The following CATSPERT variants were observed in gnomAD, a reference collection of about 807,000 sequenced individuals.
The protein encoded by CATSPERT is catsper channel auxiliary subunit tau.
chr2:201,500,949 A>T, the CATSPERT span, among the ~76,000 whole-genome samples: 1 of 152,210 alleles, frequency 6.6e-6, no homozygotes, highest in Non-Finnish European at 1.5e-5. Context: ...TAAACAAAAA[A>T]TTCTTTAAAA....
the CATSPERT span, among the ~76,000 whole-genome samples, chr2:201,516,598 T>C: frequency 1.3e-5 from 2 of 152,302 alleles, no homozygotes; most frequent in Non-Finnish European, 2.9e-5. Flanking sequence ...AACCAGACCA[T>C]ATCATGTGGT....
chr2:201,589,087 T>A, the CATSPERT span, among the ~76,000 whole-genome samples: 7 of 152,072 alleles, frequency 4.6e-5, no homozygotes, highest in Non-Finnish European at 8.8e-5. Flanking sequence ...TACAAACCAC[T>A]GCTCAAAGAA....
the CATSPERT span, chr2:201,565,857 T>C: frequency 1.3e-6 from 2 of 1,589,536 alleles, no homozygotes; most frequent in South Asian, 2.3e-5. Flanking sequence ...CTACTGTCTG[T>C]GGTGTAATAA....
the CATSPERT span, chr2:201,557,759 A>T: frequency 6.6e-6 from 1 of 152,254 alleles, no homozygotes; most frequent in Non-Finnish European, 1.5e-5. Flanking sequence ...ACACAAAATG[A>T]CATCAAAAAG....
the CATSPERT span, chr2:201,581,999 A>G: frequency 7.0e-7 from 1 of 1,430,426 alleles, no homozygotes; most frequent in Admixed American, 2.6e-5. Context: ...GGCAGATAAT[A>G]AACAAAAAAA....
At chr2:201,546,005 T>G in the CATSPERT span, among the ~76,000 whole-genome samples, 5 of 152,154 alleles carry the variant, frequency 3.3e-5, no homozygotes, top group South Asian at 2.1e-4. Context: ...TTATGGCCTA[T>G]GACTTAAAAG....
At chr2:201,601,933 A>G in the CATSPERT span, 3 of 1,347,004 alleles carry the variant, frequency 2.2e-6, no homozygotes, top group Non-Finnish European at 3.1e-6. Flanking sequence ...TAATTGAACA[A>G]TAATACATTA....
the CATSPERT span, among the ~76,000 whole-genome samples, chr2:201,529,782 T>C: frequency 1.3e-5 from 2 of 151,962 alleles, no homozygotes; most frequent in Non-Finnish European, 2.9e-5. Flanking sequence ...AAAGCTTCTG[T>C]ACAGAAAAGG....
chr2:201,585,460 C>G, the CATSPERT span, among the ~76,000 whole-genome samples: 1 of 149,798 alleles, frequency 6.7e-6, no homozygotes, highest in African/African-American at 2.4e-5. Flanking sequence ...CCAACTAACT[C>G]TCATAGGAAA....
At chr2:201,566,327 G>C in the CATSPERT span, among the ~76,000 whole-genome samples, 1 of 150,490 alleles carries the variant, frequency 6.6e-6, no homozygotes, top group Admixed American at 6.6e-5. Flanking sequence ...ATTTACATTA[G>C]GTATATCTCC....
the CATSPERT span, chr2:201,574,397 G>T: frequency 1.4e-6 from 1 of 718,706 alleles, no homozygotes; most frequent in Non-Finnish European, 2.1e-6. Flanking sequence ...TGAATCTCCT[G>T]ACTTTTAAAA....
chr2:201,549,030 GA>G, the CATSPERT span, among the ~76,000 whole-genome samples: 17 of 151,998 alleles, frequency 1.1e-4, no homozygotes, highest in East Asian at 3.3e-3. Flanking sequence ...CCAGCCAAAT[GA>G]AAACATCAGA....
At chr2:201,550,629 T>C in the CATSPERT span, 12 of 152,272 alleles carry the variant, frequency 7.9e-5, no homozygotes, top group African/African-American at 2.9e-4. Flanking sequence ...GCCTAATTAG[T>C]AATCGACTAA....
chr2:201,505,095 T>C, the CATSPERT span, among the ~76,000 whole-genome samples: 2 of 150,876 alleles, frequency 1.3e-5, no homozygotes, highest in African/African-American at 4.9e-5. Flanking sequence ...ATGGTTCACT[T>C]TTTTTTTTGT....
At chr2:201,558,290 G>A in the CATSPERT span, 12 of 152,308 alleles carry the variant, frequency 7.9e-5, no homozygotes, top group African/African-American at 2.2e-4. Context: ...ACTCATACAG[G>A]TTTTTCAAGC....
the CATSPERT span, among the ~76,000 whole-genome samples, chr2:201,572,419 G>A: frequency 6.6e-6 from 1 of 151,922 alleles, no homozygotes; most frequent in South Asian, 2.1e-4. Flanking sequence ...GTTAAGTAGG[G>A]GACAATATCA....
At chr2:201,541,529 TTTTATATATATATATA>T in the CATSPERT span, among the ~76,000 whole-genome samples, 3 of 69,104 alleles carry the variant, frequency 4.3e-5, no homozygotes, top group Admixed American at 2.0e-4. Context: ...GCTCAGATGA[TTTTATATATATATATA>T]TATATATATA....
chr2:201,615,862 T>C, the CATSPERT span, among the ~76,000 whole-genome samples: 3 of 151,980 alleles, frequency 2.0e-5, no homozygotes, highest in Non-Finnish European at 4.4e-5. Flanking sequence ...CAGTAAAAAA[T>C]GATAAAGGGG....
At chr2:201,601,757 C>T in the CATSPERT span, 4 of 1,611,208 alleles carry the variant, frequency 2.5e-6, no homozygotes, top group Non-Finnish European at 3.4e-6. Context: ...AAAAATACTT[C>T]ACTTCATCGA....
Sources: allele counts gnomAD v4.1 joint callset (sites outside exome capture counted in the v4.1 genomes callset), GRCh38; gene constraint gnomAD v4.1.1; transcripts MANE v1.5; gene names NCBI Gene and HGNC (gene_info 2026-07-23, HGNC 2026-07-21).